CEP112: variants seen among roughly 807,000 people sequenced by gnomAD.
The protein encoded by CEP112 is centrosomal protein 112.
In CEP112, 127 loss-of-function variants were observed where a neutral mutation model predicts 153.0. That is an observed-to-expected ratio of 0.83 (90% CI 0.72 to 0.96). The LOEUF is 0.96. Ranked by LOEUF, CEP112 falls within the 40% of genes least tolerant of loss-of-function variation. The probability of loss-of-function intolerance (pLI) is 0.00; values close to 1 mark genes in which losing one functional copy is unlikely to be tolerated. For missense variants in CEP112, 1,089 were observed against 1,101.2 expected (o/e 0.99, Z 0.16); for synonymous variants, 358 against 374.4 (o/e 0.96, Z 0.51).
chr17:65,643,531 C>A (rs2143400212), intron 24 of CEP112, among the ~76,000 whole-genome samples: 1 of 152,004 alleles, frequency 6.6e-6, no homozygotes, highest in South Asian at 2.1e-4. Context: ...GAACTCTTGA[C>A]CTCAAGTGAT....
At chr17:65,722,427 T>C (rs1327665400) in intron 23 of CEP112, among the ~76,000 whole-genome samples, 1 of 152,140 alleles carries the variant, frequency 6.6e-6, no homozygotes, top group Non-Finnish European at 1.5e-5. Flanking sequence ...TTTTGTATTT[T>C]TAGCAGAGAC....
chr17:65,927,446 T>G, intron 19 of CEP112, 136 bp downstream of exon 19: 1 of 550,136 alleles, frequency 1.8e-6, no homozygotes, highest in Non-Finnish European at 3.1e-6. Flanking sequence ...GAAACAAACA[T>G]TATTTTAAAT....
chr17:65,748,568 C>T (rs2051612998), intron 22 of CEP112, among the ~76,000 whole-genome samples: 1 of 152,172 alleles, frequency 6.6e-6, no homozygotes, highest in African/African-American at 2.4e-5. Context: ...TAATAATTCA[C>T]ATTCGTTAAG....
intron 21 of CEP112, among the ~76,000 whole-genome samples, chr17:65,759,078 T>C (rs1477210611): frequency 6.6e-6 from 1 of 152,088 alleles, no homozygotes; most frequent in East Asian, 1.9e-4. Context: ...ACCAAGATGG[T>C]GATAAGAGTG....
intron 24 of CEP112, among the ~76,000 whole-genome samples, chr17:65,683,388 A>G (rs758424939): frequency 6.6e-6 from 1 of 152,198 alleles, no homozygotes; most frequent in Non-Finnish European, 1.5e-5. Flanking sequence ...AAACCAGATG[A>G]GACTTACAAC....
At chr17:65,651,873 T>C (rs2045800236) in intron 24 of CEP112, among the ~76,000 whole-genome samples, 1 of 152,136 alleles carries the variant, frequency 6.6e-6, no homozygotes, top group African/African-American at 2.4e-5. Flanking sequence ...CAGCTAATTT[T>C]TGTATTTTTA....
At chr17:66,185,678 C>T (rs73992265) in intron 1 of CEP112, among the ~76,000 whole-genome samples, 8,840 of 152,254 alleles carry the variant, frequency 0.058, 271 homozygotes, top group East Asian at 0.072. Flanking sequence ...TACATACACA[C>T]ACTACATGTT....
At chr17:65,745,617 G>A (rs1434613711) in intron 22 of CEP112, among the ~76,000 whole-genome samples, 1 of 152,142 alleles carries the variant, frequency 6.6e-6, no homozygotes, top group Non-Finnish European at 1.5e-5. Context: ...CTATAACTTT[G>A]TAGAAGTGGG....
chr17:65,694,640 C>A (rs1212957730), intron 23 of CEP112, among the ~76,000 whole-genome samples: 1 of 152,118 alleles, frequency 6.6e-6, no homozygotes. Context: ...AAATGTACGG[C>A]ATGAAAGGAA....
At chr17:65,995,691 A>G (rs1259390384) in intron 17 of CEP112, among the ~76,000 whole-genome samples, 2 of 152,206 alleles carry the variant, frequency 1.3e-5, no homozygotes, top group Non-Finnish European at 2.9e-5. Context: ...TCTCTTTTAC[A>G]AAATGTCTGA....
At chr17:65,955,648 G>A (rs985637730) in intron 18 of CEP112, among the ~76,000 whole-genome samples, 1 of 152,112 alleles carries the variant, frequency 6.6e-6, no homozygotes, top group Non-Finnish European at 1.5e-5. Flanking sequence ...CAGTAAAGGG[G>A]TAGAAAAAGA....
intron 19 of CEP112, among the ~76,000 whole-genome samples, chr17:65,908,377 A>C (rs1351867001): frequency 1.3e-5 from 2 of 151,896 alleles, no homozygotes; most frequent in African/African-American, 4.8e-5. Flanking sequence ...CTCATAGGAA[A>C]TTGTCATTTT....
intron 21 of CEP112, among the ~76,000 whole-genome samples, chr17:65,763,552 GA>G (rs1285260238): frequency 6.6e-6 from 1 of 150,994 alleles, no homozygotes; most frequent in Non-Finnish European, 1.5e-5. Context: ...TTTCTACTGA[GA>G]TATCCTCAAG....
At chr17:66,129,467 A>T (rs1305478596) in intron 6 of CEP112, among the ~76,000 whole-genome samples, 1 of 152,170 alleles carries the variant, frequency 6.6e-6, no homozygotes, top group Non-Finnish European at 1.5e-5. Flanking sequence ...GTATTCTACC[A>T]TATACTATCT....
At chr17:65,706,841 C>G (rs1042758521) in intron 23 of CEP112, among the ~76,000 whole-genome samples, 2 of 152,222 alleles carry the variant, frequency 1.3e-5, no homozygotes, top group African/African-American at 4.8e-5. Flanking sequence ...TCTCTTCGTT[C>G]CAATTCATTA....
chr17:65,854,906 G>A (rs2058075980), intron 20 of CEP112, among the ~76,000 whole-genome samples: 1 of 152,112 alleles, frequency 6.6e-6, no homozygotes, highest in Admixed American at 6.5e-5. Flanking sequence ...TCTAAAAACA[G>A]ATAGACTTTA....
intron 17 of CEP112, among the ~76,000 whole-genome samples, chr17:65,970,099 T>C (rs1432461951): frequency 6.6e-6 from 1 of 152,250 alleles, no homozygotes; most frequent in Non-Finnish European, 1.5e-5. Context: ...ATATTACATG[T>C]ATGCATAGCA....
chr17:66,078,263 C>CTT lies in CEP112; in HGVS notation c.769-8264_769-8263dup, dbSNP rs573290197. Reference sequence around the variant, plus strand: ...TTTTTTTTTCTTTTCTTTTCTTTTTCTTTTTTTTTTTTTTGAGACGGAGTC... The same window carrying CTT: ...TTTTTTTTTCTTTTCTTTTCTTTTTCTTTTTTTTTTTTTTTTGAGACGGAGTC... On this transcript the variant is annotated intron_variant, in intron 8 of 26. Transcript: ENST00000535342. Among the ~76,000 whole-genome samples the CTT allele has an allele frequency of 2.8e-3, 231 of 83,820 alleles. 2 individuals carry two copies. The highest frequency in any genetic ancestry group is 0.021 in the South Asian group (39 of 1,820). The allele number at this position is 83,820 out of a possible 152,430, so 55.0% of individuals were successfully genotyped here. A position where few individuals can be genotyped will look rare whatever the true frequency, so the allele number is the denominator to read the frequency against.
At chr17:65,795,120 C>T (rs1163699507) in intron 21 of CEP112, among the ~76,000 whole-genome samples, 1 of 152,126 alleles carries the variant, frequency 6.6e-6, no homozygotes, top group African/African-American at 2.4e-5. Flanking sequence ...TTATAGATGG[C>T]AACACTGTCA....
Sources: allele counts gnomAD v4.1 joint callset (sites outside exome capture counted in the v4.1 genomes callset), GRCh38; gene constraint gnomAD v4.1.1; transcripts MANE v1.5; gene names NCBI Gene and HGNC (gene_info 2026-07-23, HGNC 2026-07-21).